Variants in COPS4 observed in about 807,000 individuals in gnomAD.
COPS4 encodes COP9 signalosome complex subunit 4.
Under a neutral mutation model 55.1 loss-of-function variants are expected in COPS4, and 8 were observed. That is an observed-to-expected ratio of 0.15 (90% confidence interval 0.09 to 0.26). The LOEUF is 0.26. Ranked by LOEUF, COPS4 falls within the 10% of genes least tolerant of loss-of-function variation. The pLI is 1.00. For synonymous variants in COPS4, 185 were observed against 165.7 expected (o/e 1.12, Z -0.90); for missense variants, 248 against 484.0 (o/e 0.51, Z 4.58).
chr4:83,052,262 A>T (rs906656523), intron 4 of COPS4, among the ~76,000 whole-genome samples: 2 of 152,222 alleles, frequency 1.3e-5, no homozygotes, highest in Admixed American at 1.3e-4. Context: ...ATGATCCAGT[A>T]GAAAGCAAAA....
At chr4:83,048,908 G>A (rs1730788679) in intron 2 of COPS4, among the ~76,000 whole-genome samples, 1 of 152,078 alleles carries the variant, frequency 6.6e-6, no homozygotes, top group Non-Finnish European at 1.5e-5. Flanking sequence ...GCCTCCCAAA[G>A]TGCTGAGATT....
intron 4 of COPS4, among the ~76,000 whole-genome samples, chr4:83,055,447 CTTTTT>C (rs5859854): frequency 7.4e-6 from 1 of 134,886 alleles, no homozygotes. Flanking sequence ...AGTATTCTAC[CTTTTT>C]TTTTTTTTTG....
rs758747642 is a variant in COPS4, at chr4:83,068,560, C to A, written c.1087+38C>A. 9 of 1,240,790 alleles carry A rather than the reference C, an allele frequency of 7.3e-6. No homozygotes were observed. The Admixed American group carries it at 1.4e-4, about 19-fold the overall frequency. 76.9% of individuals were successfully genotyped at this position (1,240,790 alleles called of 1,614,324 possible). On this transcript the variant is annotated intron_variant, in intron 9 of 9. Transcript: ENST00000264389. The stretch of plus-strand genomic sequence containing the variant: ...GTGTATTTCTGTCATAATGAAATAG[C>A]AGTGAACTGTTATATTTGTGATTAA...
At chr4:83,043,322 GT>G (rs2126128027) in intron 1 of COPS4, among the ~76,000 whole-genome samples, 1 of 151,954 alleles carries the variant, frequency 6.6e-6, no homozygotes, top group South Asian at 2.1e-4. Context: ...TTGGAGACCA[GT>G]TTGGGCAATG....
chr4:83,042,814 AG>A (rs1730601799), intron 1 of COPS4, among the ~76,000 whole-genome samples: 1 of 152,096 alleles, frequency 6.6e-6, no homozygotes, highest in South Asian at 2.1e-4. Flanking sequence ...TATGTTGCTC[AG>A]ACTGGTCTCG....
intron 7 of COPS4, among the ~76,000 whole-genome samples, chr4:83,066,041 G>A (rs1168587547): frequency 6.6e-6 from 1 of 152,074 alleles, no homozygotes; most frequent in Non-Finnish European, 1.5e-5. Flanking sequence ...AGTCCCAGCT[G>A]CTCAGGATAC....
intron 1 of COPS4, among the ~76,000 whole-genome samples, chr4:83,043,235 G>A (rs1730611644): frequency 6.6e-6 from 1 of 151,848 alleles, no homozygotes; most frequent in Non-Finnish European, 1.5e-5. Context: ...ACTTAGGTTA[G>A]GCCAGGCACA....
rs188066765 is a variant in COPS4, at chr4:83,070,864, A to G, written c.1087+2342A>G. On this transcript the variant is annotated intron_variant, in intron 9 of 9. Transcript: ENST00000264389. ...ATGTCTTCCCCATTGCTTGTAGAAC[A>G]AAGTTCTACAAAGTCTCCCAAAAGC... Among the ~76,000 whole-genome samples the G allele has an allele frequency of 3.0e-4, 45 of 152,290 alleles. 2 individuals are homozygous for G. In the East Asian group the frequency reaches 6.6e-3, roughly 22 times the overall value.
intron 6 of COPS4, among the ~76,000 whole-genome samples, chr4:83,060,565 C>T (rs1393936097): frequency 6.6e-6 from 1 of 151,600 alleles, no homozygotes; most frequent in Non-Finnish European, 1.5e-5. Context: ...CTCGGCCTCC[C>T]AAAGTGCTGG....
chr4:83,075,505 T>G lies in COPS4; in HGVS notation c.*75T>G. ...ATCAGTTTCACTATCTCCAAAGCAT[T>G]TGCATCATGACCTTATACATTTCAA... On this transcript the variant is annotated 3_prime_UTR_variant, in exon 10 of 10. Transcript: ENST00000264389. 6.5e-7 allele frequency: 1 copy of G among 1,539,932 alleles called. No individual in the cohort carries two copies. Among genetic ancestry groups the G allele is most frequent in the Non-Finnish European group, 8.9e-7 (1 of 1,122,460 alleles).
chr4:83,063,391 T>C, intron 7 of COPS4, 145 bp downstream of exon 7: 1 of 555,648 alleles, frequency 1.8e-6, no homozygotes, highest in Non-Finnish European at 2.7e-6. Context: ...ATTTAAAATT[T>C]TTTTTTTAAT....
Position 83,054,925 on chromosome 4 carries a change from C to T in COPS4, c.411-2001C>T, listed in dbSNP as rs189869491. ...ATGAAAGTAATCGATATAATAGTTA[C>T]ACTTGGCAAAAAATTGGAAAATTCA... On this transcript the variant is annotated intron_variant, in intron 4 of 9. Transcript: ENST00000264389. Among the ~76,000 whole-genome samples the T allele has an allele frequency of 5.9e-5, 9 of 152,292 alleles. 1 individual carries two copies. Among genetic ancestry groups the T allele is most frequent in the Admixed American group, 4.6e-4 (7 of 15,296 alleles).
chr4:83,063,219 C>A lies in COPS4; in HGVS notation c.859C>A (p.Pro287Thr). 6.2e-7 allele frequency: 1 copy of A among 1,612,394 alleles called. No individual in the cohort carries two copies. Among genetic ancestry groups the A allele is most frequent in the Non-Finnish European group, 8.5e-7 (1 of 1,179,426 alleles). Residue 287 changes from proline (P) to threonine (T), a missense_variant, in exon 7 of 10, where the codon CCT (proline) becomes ACT (threonine). Around this residue, in one of 4 missense-constraint regions of COPS4, gnomAD observed 155 missense variants for 326.6 expected, o/e 0.47. Transcript: ENST00000264389. ...TCAAGAATTTGCTGCCATGCTGATG[C>A]CTCACCAAAAAGCAACTACAGCTGA... ...QLQEFAAMLM[P>T]HQKATTADGS...
At chr4:83,073,563 A>G (rs13151436) in intron 9 of COPS4, among the ~76,000 whole-genome samples, 27,713 of 152,190 alleles carry the variant, frequency 0.18, 2,885 homozygotes, top group East Asian at 0.33. Context: ...AAATTTATTT[A>G]TTAAAGGAGA....
chr4:83,048,065 A>G (rs1329360995), intron 2 of COPS4, among the ~76,000 whole-genome samples: 2 of 152,218 alleles, frequency 1.3e-5, no homozygotes, highest in South Asian at 2.1e-4. Flanking sequence ...GTTTACAAGA[A>G]TGATGCATTT....
intron 6 of COPS4, among the ~76,000 whole-genome samples, chr4:83,062,209 A>G (rs1200056222): frequency 6.6e-6 from 1 of 152,200 alleles, no homozygotes; most frequent in Non-Finnish European, 1.5e-5. Context: ...ATATTTTTTC[A>G]TCTTTTATAA....
chr4:83,065,241 A>G (rs921811579), intron 7 of COPS4: 47 of 438,130 alleles, frequency 1.1e-4, no homozygotes, highest in Non-Finnish European at 1.7e-4. Context: ...TAATTTAGGT[A>G]GTTGGCTGTG....
intron 5 of COPS4, 50 bp downstream of exon 5, chr4:83,057,129 A>T: frequency 6.4e-7 from 1 of 1,553,680 alleles, no homozygotes; most frequent in East Asian, 2.3e-5. Flanking sequence ...GAATTGTAAC[A>T]TACTAAGATG....
At chr4:83,061,988 C>G (rs1036736687) in intron 6 of COPS4, among the ~76,000 whole-genome samples, 5 of 152,110 alleles carry the variant, frequency 3.3e-5, no homozygotes, top group Non-Finnish European at 7.3e-5. Context: ...TAATGGACTA[C>G]CAAGATATGG....
Sources: allele counts gnomAD v4.1 joint callset (sites outside exome capture counted in the v4.1 genomes callset), GRCh38; gene constraint gnomAD v4.1.1; regional missense constraint gnomAD v4.1.1; transcripts MANE v1.5; gene names NCBI Gene and HGNC (gene_info 2026-07-23, HGNC 2026-07-21).